MAL: variants seen among roughly 807,000 people sequenced by gnomAD.
MAL encodes the protein mal, T cell differentiation protein (MAL blood group).
Under a neutral mutation model 16.7 loss-of-function variants are expected in MAL, and 5 were observed. That is an observed-to-expected ratio of 0.30 (90% CI 0.16 to 0.63). MAL has a LOEUF of 0.63. Ranked by LOEUF, MAL falls within the 30% of genes least tolerant of loss-of-function variation. The pLI is 0.82. For synonymous variants in MAL, 96 were observed against 85.5 expected, an observed-to-expected ratio of 1.12 and a Z score of -0.67; for missense variants, 202 against 195.8, an observed-to-expected ratio of 1.03 and a Z score of -0.19.
At chr2:95,027,456 C>T (rs1406163499) in intron 1 of MAL, among the ~76,000 whole-genome samples, 3 of 152,314 alleles carry the variant, frequency 2.0e-5, no homozygotes, top group South Asian at 4.1e-4. Context: ...CCACCTCACC[C>T]CTGTTCCCCA....
At chr2:95,038,869 T>C (rs1338066232) in intron 1 of MAL, among the ~76,000 whole-genome samples, 3 of 133,018 alleles carry the variant, frequency 2.3e-5, no homozygotes, top group Non-Finnish European at 4.8e-5. Flanking sequence ...AGTGAGTGAC[T>C]GAGTGGGTGA....
chr2:95,047,911 C>T, intron 1 of MAL, 48 bp from the exon 2 acceptor site: 1 of 1,580,550 alleles, frequency 6.3e-7, no homozygotes, highest in East Asian at 2.3e-5. Context: ...CCTTCCTGGG[C>T]TGGGGCTCTC....
At chr2:95,037,864 C>CTGAGTGAGTGAGAGACTGAGTGACCGAG (rs1674283953) in intron 1 of MAL, among the ~76,000 whole-genome samples, 1 of 123,602 alleles carries the variant, frequency 8.1e-6, no homozygotes, top group Non-Finnish European at 1.7e-5. Flanking sequence ...GAGTGACTGA[C>CTGAGTGAGTGAGAGACTGAGTGACCGAG]TGAGTGAGTG....
At position 95,049,617 on chromosome 2, in the gene MAL, C is replaced by T. The variant is rs766371823; in HGVS notation, c.298C>T (p.Leu100Phe). Residue 100 changes from leucine to phenylalanine, a missense_variant, in exon 3 of 4, where the codon CTC becomes TTC. Transcript: ENST00000309988. ...AYHCTAALFYLSASVLEALAT... is the reference protein window; with the variant it reads ...AYHCTAALFYFSASVLEALAT... ...CCACTGCACCGCTGCCCTCTTTTAC[C>T]TCAGCGCCTCAGTCCTGGAGGCCCT... 7 of 1,614,114 alleles carry T rather than the reference C, an allele frequency of 4.3e-6. No individual in the cohort carries two copies. The African/African-American group carries it at 9.3e-5, about 22-fold the overall frequency.
At chr2:95,048,193 A>C in intron 2 of MAL, 67 bp downstream of exon 2, 1 of 1,478,746 alleles carries the variant, frequency 6.8e-7, no homozygotes, top group Non-Finnish European at 9.4e-7. Context: ...CTGGCCCAGT[A>C]GGATGGGCTT....
chr2:95,035,588 T>C (rs1674184433), intron 1 of MAL, among the ~76,000 whole-genome samples: 1 of 152,036 alleles, frequency 6.6e-6, no homozygotes, highest in African/African-American at 2.4e-5. Flanking sequence ...GGGGGTGAGA[T>C]TGCAAGCCTG....
chr2:95,048,003 G>A lies in MAL; in HGVS notation c.138G>A (p.Val46=), dbSNP rs1178172228. 1.2e-6 allele frequency: 2 copies of A among 1,606,126 alleles called. No individual in the cohort carries two copies. The highest frequency in any genetic ancestry group is 2.8e-5 in the African/African-American group (2 of 72,690). The change falls in exon 2 of 4, where the codon GTG becomes GTA. Residue 46 remains valine, a synonymous_variant. Transcript: ENST00000309988. ...LVWILVASSL[V]PWPLVQGWVM... ...GGATCCTGGTGGCCTCCTCCCTGGT[G>A]CCCTGGCCCCTGGTCCAGGGCTGGG...
At chr2:95,036,494 G>A (rs375539323) in intron 1 of MAL, among the ~76,000 whole-genome samples, 2 of 152,354 alleles carry the variant, frequency 1.3e-5, no homozygotes, top group East Asian at 1.9e-4. Flanking sequence ...AGAGAGGAGA[G>A]GAAGGGAGAG....
intron 1 of MAL, among the ~76,000 whole-genome samples, chr2:95,045,803 C>T (rs780805654): frequency 4.6e-5 from 7 of 152,178 alleles, no homozygotes; most frequent in Non-Finnish European, 2.9e-5. Flanking sequence ...CCTGTCCCTC[C>T]GTCAGTGCCC....
intron 1 of MAL, among the ~76,000 whole-genome samples, chr2:95,039,872 C>T (rs184084160): frequency 1.3e-5 from 2 of 152,204 alleles, no homozygotes; most frequent in African/African-American, 2.4e-5. Flanking sequence ...TTACTCCTTG[C>T]CTCTCAGAAC....
At chr2:95,049,160 GAAACA>G (rs537706027) in intron 2 of MAL, among the ~76,000 whole-genome samples, 57 of 152,184 alleles carry the variant, frequency 3.7e-4, no homozygotes, top group Middle Eastern at 3.4e-3. Flanking sequence ...AATAAGCAAT[GAAACA>G]AAACAAAACA....
In MAL at chr2:95,047,991, CT is replaced by C. The variant is rs1674628997; in HGVS notation, c.127del (p.Ser43ProfsTer13). 6.2e-7 allele frequency: 1 copy of C among 1,613,678 alleles called. No individual in the cohort carries two copies. Among genetic ancestry groups the C allele is most frequent in the Non-Finnish European group, 8.5e-7 (1 of 1,179,918 alleles). On this transcript the variant is annotated frameshift_variant, in exon 2 of 4. Transcript: ENST00000309988. LOFTEE classifies it high-confidence loss of function. ...GGGGCCTGGTGTGGATCCTGGTGGC[CT>C]CCTCCCTGGTGCCCTGGCCCCTGGT... Reference protein sequence around the residue: ...FGGLVWILVASSLVPWPLVQG... With the variant: ...FGGLVWILVAXSLVPWPLVQG...
At chr2:95,043,033 C>T (rs1448138041) in intron 1 of MAL, among the ~76,000 whole-genome samples, 3 of 152,222 alleles carry the variant, frequency 2.0e-5, no homozygotes, top group African/African-American at 4.8e-5. Flanking sequence ...GGAGCCCCAC[C>T]TTCTGCTACT....
At chr2:95,038,538 GAC>G (rs1321230535) in intron 1 of MAL, among the ~76,000 whole-genome samples, 1 of 151,110 alleles carries the variant, frequency 6.6e-6, no homozygotes, top group African/African-American at 2.4e-5. Context: ...CTGAGTGAGT[GAC>G]TGAGTGACTG....
At chr2:95,026,475 C>T (rs1673940526) in intron 1 of MAL, 1 of 117,602 alleles carries the variant, frequency 8.5e-6, no homozygotes, top group Non-Finnish European at 1.7e-5. Flanking sequence ...AGTCCTTCTG[C>T]CCCGTGTGCG....
intron 2 of MAL, 139 bp downstream of exon 2, chr2:95,048,265 GC>G: frequency 2.1e-6 from 2 of 944,344 alleles, no homozygotes; most frequent in Non-Finnish European, 3.2e-6. Context: ...GGCTGAGCCT[GC>G]CCAGGGCTCC....
rs1477730558 is a variant in MAL at position 95,025,858 on chromosome 2, G to T, written c.66G>T (p.Leu22Phe). The part of the protein sequence containing the change: ...LPSGFSVFTT[L>F]PDLLFIFEFI... ...GTGGCTTCTCGGTCTTCACCACCTT[G>T]CCCGACTTGCTCTTCATCTTTGAGT... The change falls in exon 1 of 4, where the codon TTG (leucine) becomes TTT (phenylalanine). Residue 22 changes from leucine (L) to phenylalanine (F), a missense_variant. Transcript: ENST00000309988. This position sits in a 1 kb window ranked among gnomAD's most constrained non-coding sequence, Gnocchi z 5.6. 4 of 1,576,348 alleles carry T rather than the reference G, an allele frequency of 2.5e-6. No individual in the cohort carries two copies. Among genetic ancestry groups the T allele is most frequent in the East Asian group, 2.4e-5 (1 of 42,068 alleles).
chr2:95,047,898 G>T, intron 1 of MAL, 61 bp from the exon 2 acceptor site: 1 of 1,538,632 alleles, frequency 6.5e-7, no homozygotes, highest in South Asian at 1.2e-5. Flanking sequence ...GCTGGTCGGG[G>T]GCCCTTCCTG....
intron 1 of MAL, among the ~76,000 whole-genome samples, chr2:95,040,648 G>A (rs1219110921): frequency 3.9e-5 from 6 of 152,188 alleles, no homozygotes; most frequent in African/African-American, 1.4e-4. Flanking sequence ...TGAGTGGGGG[G>A]TGCTCCTCCT....
Sources: gnomAD v4.1 joint callset for allele counts (sites outside exome capture counted in the v4.1 genomes callset) on GRCh38, gnomAD v4.1.1 for gene constraint, Gnocchi (gnomAD v3.1) non-coding constraint, MANE v1.5 for transcripts, NCBI Gene and HGNC (gene_info 2026-07-23, HGNC 2026-07-21) for gene names.